Variants in SPMAP2L observed in about 807,000 individuals in gnomAD.
The protein encoded by SPMAP2L is sperm microtubule associated protein 2-like.
At chr4:56,624,773 A>G in the SPMAP2L span, among the ~76,000 whole-genome samples, 1 of 152,194 alleles carries the variant, frequency 6.6e-6, no homozygotes, top group Non-Finnish European at 1.5e-5. Context: ...GATGTATGGA[A>G]ATACTTGGAT....
the SPMAP2L span, among the ~76,000 whole-genome samples, chr4:56,609,093 G>C: frequency 1.4e-5 from 2 of 142,406 alleles, no homozygotes; most frequent in East Asian, 2.1e-4. Context: ...TCTGTCACCC[G>C]GACTGGAGTG....
chr4:56,570,827 A>G, the SPMAP2L span, among the ~76,000 whole-genome samples: 1 of 151,982 alleles, frequency 6.6e-6, no homozygotes, highest in Admixed American at 6.6e-5. Context: ...TTTTTGAGAC[A>G]GGCTCTTGCT....
the SPMAP2L span, among the ~76,000 whole-genome samples, chr4:56,608,392 G>C: frequency 4.6e-5 from 7 of 152,160 alleles, no homozygotes; most frequent in Non-Finnish European, 1.0e-4. Flanking sequence ...TTGGTAAGGC[G>C]ATTAGTATGG....
At chr4:56,584,550 C>T in the SPMAP2L span, 1 of 1,535,250 alleles carries the variant, frequency 6.5e-7, no homozygotes, top group Non-Finnish European at 8.7e-7. Context: ...GATCCTTCTC[C>T]CCGGATATTA....
the SPMAP2L span, among the ~76,000 whole-genome samples, chr4:56,531,610 G>A: frequency 2.6e-5 from 4 of 152,178 alleles, no homozygotes; most frequent in African/African-American, 9.7e-5. Flanking sequence ...ATTTTCGTCA[G>A]TGTTTGGCAT....
At chr4:56,574,550 C>G in the SPMAP2L span, among the ~76,000 whole-genome samples, 1 of 152,248 alleles carries the variant, frequency 6.6e-6, no homozygotes, top group Middle Eastern at 3.4e-3. Flanking sequence ...ACTCAGTTAT[C>G]TAGCAAAGTA....
At chr4:56,543,986 G>A in the SPMAP2L span, among the ~76,000 whole-genome samples, 3 of 149,668 alleles carry the variant, frequency 2.0e-5, no homozygotes, top group Non-Finnish European at 4.5e-5. Flanking sequence ...GAGAGAGAGA[G>A]AGAGAGAGAG....
chr4:56,608,565 G>A, the SPMAP2L span, among the ~76,000 whole-genome samples: 2 of 152,172 alleles, frequency 1.3e-5, no homozygotes, highest in Non-Finnish European at 2.9e-5. Flanking sequence ...TGGGACCTTG[G>A]GGCCCACTTC....
the SPMAP2L span, among the ~76,000 whole-genome samples, chr4:56,620,386 G>GTTTT: frequency 3.2e-4 from 46 of 141,962 alleles, no homozygotes; most frequent in African/African-American, 1.0e-3. Flanking sequence ...TAGCCTTCTA[G>GTTTT]TTTTTTTTTT....
chr4:56,550,989 A>G, the SPMAP2L span, among the ~76,000 whole-genome samples: 1 of 150,732 alleles, frequency 6.6e-6, no homozygotes, highest in Non-Finnish European at 1.5e-5. Flanking sequence ...GGTTATACAA[A>G]TGTGCAACCT....
chr4:56,581,512 T>C, the SPMAP2L span, among the ~76,000 whole-genome samples: 1 of 151,678 alleles, frequency 6.6e-6, no homozygotes, highest in East Asian at 1.9e-4. Context: ...ACCAGCTACT[T>C]GGGAGGCTGA....
chr4:56,574,046 TG>T, the SPMAP2L span, among the ~76,000 whole-genome samples: 1 of 152,046 alleles, frequency 6.6e-6, no homozygotes, highest in Non-Finnish European at 1.5e-5. Context: ...ACATTGGGTC[TG>T]GGGGGGTAGT....
chr4:56,622,654 C>G, the SPMAP2L span, among the ~76,000 whole-genome samples: 1 of 152,188 alleles, frequency 6.6e-6, no homozygotes, highest in Admixed American at 6.5e-5. Flanking sequence ...AAGTCTTCAA[C>G]TCCCTCTCTG....
chr4:56,615,073 C>T, the SPMAP2L span, among the ~76,000 whole-genome samples: 1 of 152,198 alleles, frequency 6.6e-6, no homozygotes, highest in Non-Finnish European at 1.5e-5. Flanking sequence ...CCCAGTTCCA[C>T]ATGAGGCAAA....
the SPMAP2L span, among the ~76,000 whole-genome samples, chr4:56,561,864 C>T: frequency 6.6e-6 from 1 of 152,142 alleles, no homozygotes; most frequent in Non-Finnish European, 1.5e-5. Flanking sequence ...GCTGGGATTA[C>T]AGGCGCCCAC....
the SPMAP2L span, among the ~76,000 whole-genome samples, chr4:56,559,693 G>A: frequency 6.6e-6 from 1 of 151,978 alleles, no homozygotes; most frequent in African/African-American, 2.4e-5. Flanking sequence ...TCAGCCTCCC[G>A]AGTAGCTGGG....
At chr4:56,574,742 G>A in the SPMAP2L span, among the ~76,000 whole-genome samples, 2 of 152,236 alleles carry the variant, frequency 1.3e-5, no homozygotes, top group South Asian at 2.1e-4. Context: ...CACTTTGGGA[G>A]GCTGAGACAG....
At chr4:56,594,463 G>T in the SPMAP2L span, 1 of 1,605,980 alleles carries the variant, frequency 6.2e-7, no homozygotes, top group South Asian at 1.1e-5. Flanking sequence ...AGAAGGATTT[G>T]TGTGAACTCA....
the SPMAP2L span, among the ~76,000 whole-genome samples, chr4:56,579,856 T>C: frequency 3.3e-5 from 5 of 152,198 alleles, no homozygotes; most frequent in African/African-American, 1.2e-4. Context: ...GACAAATTAT[T>C]ATAAAGACAA....
Sources: allele counts gnomAD v4.1 joint callset (sites outside exome capture counted in the v4.1 genomes callset), GRCh38; gene constraint gnomAD v4.1.1; transcripts MANE v1.5; gene names NCBI Gene and HGNC (gene_info 2026-07-23, HGNC 2026-07-21).